PDE1C: variants seen among roughly 807,000 people sequenced by gnomAD.
The protein encoded by PDE1C is phosphodiesterase 1C.
Under a neutral mutation model 93.1 loss-of-function variants are expected in PDE1C, and 62 were observed. The ratio of observed to expected loss-of-function variants is 0.67; its 90% CI spans 0.54 to 0.82. The LOEUF is 0.82. Among genes scored for constraint, PDE1C ranks in the 40% least tolerant of loss-of-function variants. The probability of loss-of-function intolerance (pLI) is 0.00; values close to 1 mark genes in which losing one functional copy is unlikely to be tolerated. For missense variants in PDE1C, 742 were observed against 884.6 expected, an observed-to-expected ratio of 0.84 and a Z score of 2.04; for synonymous variants, 325 against 310.1, an observed-to-expected ratio of 1.05 and a Z score of -0.50.
the PDE1C span, among the ~76,000 whole-genome samples, chr7:31,687,682 GCC>G: frequency 1.3e-5 from 2 of 152,188 alleles, no homozygotes; most frequent in Non-Finnish European, 2.9e-5. Flanking sequence ...CAGGAATACT[GCC>G]AATTTAGGTT....
chr7:31,628,918 C>G, the PDE1C span, among the ~76,000 whole-genome samples: 12 of 152,148 alleles, frequency 7.9e-5, no homozygotes, highest in African/African-American at 2.9e-4. Context: ...TGTTTCCTCC[C>G]AGCTAGCTTC....
At chr7:32,205,635 C>T (rs955442176) in intron 2 of PDE1C, among the ~76,000 whole-genome samples, 2 of 152,144 alleles carry the variant, frequency 1.3e-5, no homozygotes, top group African/African-American at 2.4e-5. Context: ...TCTGCTTGTG[C>T]CCTGCAGAAG....
intron 7 of PDE1C, among the ~76,000 whole-genome samples, chr7:31,862,641 G>C (rs937260079): frequency 6.6e-6 from 1 of 152,244 alleles, no homozygotes; most frequent in East Asian, 1.9e-4. Flanking sequence ...TCCCATTCAC[G>C]ACAGCTCCAT....
At chr7:32,185,313 T>G (rs756822309) in intron 2 of PDE1C, among the ~76,000 whole-genome samples, 23 of 151,892 alleles carry the variant, frequency 1.5e-4, no homozygotes, top group Non-Finnish European at 2.6e-4. Context: ...TAGGTTCTAT[T>G]TGGTCACGTT....
chr7:31,777,949 A>G (rs1475986821), intron 16 of PDE1C, among the ~76,000 whole-genome samples: 2 of 152,138 alleles, frequency 1.3e-5, no homozygotes, highest in African/African-American at 2.4e-5. Context: ...CTTGAACCTC[A>G]GTTGAGTAAC....
chr7:32,214,975 TTGA>T lies in PDE1C; in HGVS notation c.86-5439_86-5437del, dbSNP rs143895270. Among the ~76,000 whole-genome samples the T allele has an allele frequency of 3.6e-3, 548 of 151,228 alleles. 2 individuals carry two copies. The highest frequency in any genetic ancestry group is 0.017 in the Middle Eastern group (5 of 292). ...AAGTGTGATCAGCTAGGGAAGTGAC[TTGA>T]TGATGATGATGATGATGATGATGCA... On this transcript the variant is annotated intron_variant, in intron 1 of 18. Transcript: ENST00000396193.
At chr7:32,114,387 A>G (rs1798864234) in intron 3 of PDE1C, among the ~76,000 whole-genome samples, 1 of 152,206 alleles carries the variant, frequency 6.6e-6, no homozygotes, top group Admixed American at 6.5e-5. Context: ...TCTCCTATCC[A>G]ATAAGTGGTG....
At chr7:32,093,748 G>A (rs1797601034) in intron 3 of PDE1C, among the ~76,000 whole-genome samples, 1 of 152,252 alleles carries the variant, frequency 6.6e-6, no homozygotes, top group African/African-American at 2.4e-5. Flanking sequence ...AACAGTTGAA[G>A]TGTTGCCATG....
intron 11 of PDE1C, among the ~76,000 whole-genome samples, chr7:31,834,191 A>T (rs1790772713): frequency 6.6e-6 from 1 of 152,230 alleles, no homozygotes; most frequent in Non-Finnish European, 1.5e-5. Context: ...AACCACCTGG[A>T]TGTCCAGGCA....
At chr7:32,248,189 G>C (rs993508175) in intron 1 of PDE1C, among the ~76,000 whole-genome samples, 1 of 152,118 alleles carries the variant, frequency 6.6e-6, no homozygotes, top group African/African-American at 2.4e-5. Context: ...AAGTAGAGAG[G>C]TCCAGTTGGC....
intron 3 of PDE1C, among the ~76,000 whole-genome samples, chr7:32,147,777 TCCTGCAGGATA>T (rs1800987568): frequency 6.6e-6 from 1 of 151,834 alleles, no homozygotes; most frequent in African/African-American, 2.4e-5. Context: ...GTTGAGATAG[TCCTGCAGGATA>T]CCTGGGCAGG....
At chr7:31,619,038 C>G in the PDE1C span, among the ~76,000 whole-genome samples, 16 of 152,222 alleles carry the variant, frequency 1.1e-4, no homozygotes, top group Non-Finnish European at 1.2e-4. Flanking sequence ...TCTCTGCTCT[C>G]TTCCCTGATT....
intron 16 of PDE1C, among the ~76,000 whole-genome samples, chr7:31,782,313 A>G (rs535660406): frequency 6.6e-6 from 1 of 152,232 alleles, no homozygotes; most frequent in African/African-American, 2.4e-5. Context: ...GTAAAAATGC[A>G]TAGCGAAAGA....
At position 31,821,593 on chromosome 7, in the gene PDE1C, T is replaced by C. The variant is rs867038080; in HGVS notation, c.1582+1480A>G. On this transcript the variant is annotated intron_variant, in intron 14 of 17. Transcript: ENST00000396191. The stretch of plus-strand genomic sequence containing the variant: ...AAATGTTTAAAGCATTTGAATGGAC[T>C]AGGAGAGGGTGCACTTAAAATATGG... 1.6e-4 allele frequency among the ~76,000 whole-genome samples: 24 copies of C among 152,178 alleles called. 1 individual carries two copies. Among genetic ancestry groups the C allele is most frequent in the Middle Eastern group, 6.8e-3 (2 of 294 alleles).
intron 1 of PDE1C, among the ~76,000 whole-genome samples, chr7:32,225,342 GCACA>G (rs34169470): frequency 2.7e-5 from 4 of 150,810 alleles, no homozygotes; most frequent in African/African-American, 4.9e-5. Context: ...CATTCAACAT[GCACA>G]CACACACACA....
chr7:32,408,781 T>A (rs974033405), intron 1 of PDE1C, among the ~76,000 whole-genome samples: 1 of 151,976 alleles, frequency 6.6e-6, no homozygotes, highest in African/African-American at 2.4e-5. Flanking sequence ...AAAGCGAGAC[T>A]CTGTCTCAAA....
At chr7:31,914,154 T>C (rs1367109579) in intron 2 of PDE1C, among the ~76,000 whole-genome samples, 1 of 152,196 alleles carries the variant, frequency 6.6e-6, no homozygotes, top group Non-Finnish European at 1.5e-5. Context: ...AGTTTCAAAG[T>C]CAATTTTATA....
chr7:31,642,262 G>T, the PDE1C span: 27 of 1,545,996 alleles, frequency 1.7e-5, no homozygotes, highest in Non-Finnish European at 2.2e-5. Flanking sequence ...CCTCCAGGTA[G>T]GAGGGTTTGG....
chr7:31,917,581 A>G (rs563417885), intron 2 of PDE1C, among the ~76,000 whole-genome samples: 22 of 152,208 alleles, frequency 1.4e-4, no homozygotes, highest in African/African-American at 5.1e-4. Context: ...CTTTGGATAA[A>G]TTGCTTTTTC....
Sources: gnomAD v4.1 joint callset for allele counts (sites outside exome capture counted in the v4.1 genomes callset) on GRCh38, gnomAD v4.1.1 for gene constraint, MANE v1.5 for transcripts, NCBI Gene and HGNC (gene_info 2026-07-23, HGNC 2026-07-21) for gene names.